DOCK11: variants seen among roughly 807,000 people sequenced by gnomAD.
DOCK11 encodes dedicator of cytokinesis 11, also known as dedicator of cytokinesis protein 11.
Under a neutral mutation model 169.1 loss-of-function variants are expected in DOCK11, and 70 were observed. That is an observed-to-expected ratio of 0.41 (90% confidence interval 0.34 to 0.51). DOCK11 has a LOEUF of 0.51. Ranked by LOEUF, DOCK11 falls within the 20% of genes least tolerant of loss-of-function variation. The pLI, the probability that DOCK11 is intolerant of heterozygous loss-of-function variation, is 0.10. For missense variants in DOCK11, 1,166 were observed against 1,538.8 expected, an observed-to-expected ratio of 0.76 and a Z score of 4.05; for synonymous variants, 529 against 541.3, an observed-to-expected ratio of 0.98 and a Z score of 0.32.
rs754975344 is a variant in DOCK11, at chrX:118,639,499, C to T, written c.4066C>T (p.Leu1356Phe). ...IDRKSQTMPA[L>F]RNRSGVMQAR... is the part of the protein sequence containing the mutation. Reference sequence around the variant, plus strand: ...CCGAAAATCGCAAACCATGCCTGCTCTTCGAAACAGATCAGGAGTAATGCA... The same window carrying T: ...CCGAAAATCGCAAACCATGCCTGCTTTTCGAAACAGATCAGGAGTAATGCA... The change falls in exon 38 of 53, where the codon CTT becomes TTT. Residue 1356 changes from leucine (L) to phenylalanine (F), a missense_variant. Leu to Phe is a conservative substitution (Grantham distance 22, BLOSUM62 0). Transcript: ENST00000276202. 6.6e-6 allele frequency: 8 copies of T among 1,209,550 alleles called. No individual in the cohort carries two copies. Among genetic ancestry groups the T allele is most frequent in the East Asian group, 5.9e-5 (2 of 33,800 alleles).
intron 29 of DOCK11, among the ~76,000 whole-genome samples, chrX:118,615,018 A>G (rs1327327340): frequency 1.8e-5 from 2 of 112,263 alleles, no homozygotes; most frequent in Non-Finnish European, 3.8e-5. Flanking sequence ...GCTGAGATTC[A>G]TGAGCGTGAC....
intron 23 of DOCK11, among the ~76,000 whole-genome samples, chrX:118,601,412 A>G (rs1204882713): frequency 2.0e-5 from 2 of 102,400 alleles, no homozygotes; most frequent in African/African-American, 3.6e-5. Flanking sequence ...CCACAGCGAG[A>G]CCCTGTCTCA....
chrX:118,631,051 A>G (rs1373909307), intron 35 of DOCK11, among the ~76,000 whole-genome samples: 1 of 111,067 alleles, frequency 9.0e-6, no homozygotes, highest in East Asian at 2.8e-4. Flanking sequence ...ACACTATATG[A>G]TGGAATACAA....
intron 45 of DOCK11, among the ~76,000 whole-genome samples, chrX:118,669,782 C>T (rs193223000): frequency 4.0e-4 from 45 of 112,119 alleles, no homozygotes; most frequent in African/African-American, 1.4e-3. Context: ...TAGAAATATG[C>T]AGTCAAATTG....
At chrX:118,675,243 A>G (rs990982227) in intron 46 of DOCK11, among the ~76,000 whole-genome samples, 1 of 112,069 alleles carries the variant, frequency 8.9e-6, no homozygotes, top group Non-Finnish European at 1.9e-5. Context: ...ACTGCAGCTT[A>G]CACCATTGCT....
chrX:118,682,381 A>G (rs772473434), intron 51 of DOCK11, among the ~76,000 whole-genome samples: 2 of 111,267 alleles, frequency 1.8e-5, no homozygotes, highest in African/African-American at 3.3e-5. Flanking sequence ...TAATCTATCC[A>G]CTCATTTGCT....
At chrX:118,673,999 A>G (rs2016548800) in intron 46 of DOCK11, among the ~76,000 whole-genome samples, 1 of 112,088 alleles carries the variant, frequency 8.9e-6, no homozygotes, top group Non-Finnish European at 1.9e-5. Context: ...AACATTTTGG[A>G]TATCAGATTT....
chrX:118,654,648 G>T lies in DOCK11; in HGVS notation c.4742G>T (p.Arg1581Leu). The T allele has an allele frequency of 8.3e-7, 1 of 1,211,410 alleles. No individual in the cohort carries two copies. The highest frequency in any genetic ancestry group is 1.1e-6 in the Non-Finnish European group (1 of 895,380). ...GTCAAAGACTTGACCAAGAGAATCCGCACTGTTCTTATGGCCACTGCCCAA... is the reference window on the plus strand; with the variant it reads ...GTCAAAGACTTGACCAAGAGAATCCTCACTGTTCTTATGGCCACTGCCCAA... ...AEVKDLTKRI[R>L]TVLMATAQMK... The change falls in exon 43 of 53, where the codon CGC becomes CTC. Residue 1581 changes from arginine (R) to leucine (L), a missense_variant. Arg to Leu is a moderately radical substitution (Grantham distance 102). Transcript: ENST00000276202.
At chrX:118,523,357 T>A (rs774527213) in intron 1 of DOCK11, among the ~76,000 whole-genome samples, 1 of 112,531 alleles carries the variant, frequency 8.9e-6, no homozygotes, top group Non-Finnish European at 1.9e-5. Flanking sequence ...AGAAATATCC[T>A]TCTCATTGGA....
chrX:118,629,511 G>A (rs963879219), intron 34 of DOCK11, among the ~76,000 whole-genome samples: 13 of 111,559 alleles, frequency 1.2e-4, no homozygotes, highest in African/African-American at 3.9e-4. Flanking sequence ...GTCAGATCTT[G>A]TCATGCTTAA....
rs775970375 is a variant in DOCK11, at chrX:118,596,606, A to G, written c.2264-825A>G. ...TTTACAGCTGAGTTATAAACACTTGAATCCCAGAGTAATTTCTATAATGGA... is the reference window on the plus strand; with the variant it reads ...TTTACAGCTGAGTTATAAACACTTGGATCCCAGAGTAATTTCTATAATGGA... On this transcript the variant is annotated intron_variant, in intron 20 of 52. Transcript: ENST00000276202. Among the ~76,000 whole-genome samples, 28 of 112,121 alleles carry G rather than the reference A, an allele frequency of 2.5e-4. No individual in the cohort carries two copies. The South Asian group carries it at 4.7e-3, about 19-fold the overall frequency.
chrX:118,516,153 C>A (rs1263001063), intron 1 of DOCK11, among the ~76,000 whole-genome samples: 1 of 82,272 alleles, frequency 1.2e-5, no homozygotes, highest in Non-Finnish European at 2.2e-5. Flanking sequence ...AGTGCAGTGG[C>A]ATGATCTCGA....
intron 44 of DOCK11, among the ~76,000 whole-genome samples, chrX:118,660,696 T>A (rs2147558946): frequency 9.1e-6 from 1 of 109,664 alleles, no homozygotes; most frequent in African/African-American, 3.3e-5. Context: ...GGTCTCAATC[T>A]CCTGACCTCG....
At chrX:118,651,692 A>C (rs1279364243) in intron 41 of DOCK11, among the ~76,000 whole-genome samples, 2 of 112,094 alleles carry the variant, frequency 1.8e-5, no homozygotes, top group Non-Finnish European at 3.8e-5. Context: ...CTATTATGAA[A>C]ATAGTTTTAG....
At chrX:118,570,909 C>T (rs375124852) in intron 10 of DOCK11, among the ~76,000 whole-genome samples, 5 of 111,740 alleles carry the variant, frequency 4.5e-5, no homozygotes, top group African/African-American at 1.6e-4. Context: ...CAGAGTCCTC[C>T]CCTACTGAAA....
chrX:118,590,453 G>A, intron 19 of DOCK11, 151 bp downstream of exon 19: 1 of 483,214 alleles, frequency 2.1e-6, no homozygotes, highest in East Asian at 3.9e-5. Context: ...GAGTGTTACT[G>A]GCCTGCTTGG....
chrX:118,647,815 T>TATAATATATAATAATATA (rs2015771865), intron 40 of DOCK11, among the ~76,000 whole-genome samples: 1 of 52,242 alleles, frequency 1.9e-5, no homozygotes, highest in Admixed American at 3.8e-4. Flanking sequence ...TAATATATAT[T>TATAATATATAATAATATA]ATATTATTAT....
intron 1 of DOCK11, among the ~76,000 whole-genome samples, chrX:118,505,745 T>A (rs1377884897): frequency 8.9e-6 from 1 of 112,045 alleles, no homozygotes; most frequent in Non-Finnish European, 1.9e-5. Flanking sequence ...AATGAGTGAG[T>A]GGGAAGGCTG....
intron 30 of DOCK11, among the ~76,000 whole-genome samples, chrX:118,618,273 T>A (rs2014874430): frequency 8.9e-6 from 1 of 111,897 alleles, no homozygotes; most frequent in Admixed American, 9.6e-5. Flanking sequence ...AAGATTTCTA[T>A]GAGTTTAAAA....
Sources: gnomAD v4.1 joint callset for allele counts (sites outside exome capture counted in the v4.1 genomes callset) on GRCh38, gnomAD v4.1.1 for gene constraint, MANE v1.5 for transcripts, NCBI Gene and HGNC (gene_info 2026-07-23, HGNC 2026-07-21) for gene names.